Variants in PTPRN2 observed in about 807,000 individuals in gnomAD.
PTPRN2 encodes receptor-type tyrosine-protein phosphatase N2.
A neutral mutation model predicts 118.8 loss-of-function variants in PTPRN2; 74 were observed. The ratio of observed to expected loss-of-function variants is 0.62; its 90% CI spans 0.52 to 0.76. PTPRN2 has a LOEUF of 0.76. Ranked by LOEUF, PTPRN2 falls within the 30% of genes least tolerant of loss-of-function variation. The pLI is 0.00. For missense variants in PTPRN2, 1,481 were observed against 1,394.4 expected (o/e 1.06, Z -0.99); for synonymous variants, 641 against 608.0 (o/e 1.05, Z -0.80).
At chr7:157,669,858 G>C (rs1342411510) in intron 13 of PTPRN2, among the ~76,000 whole-genome samples, 1 of 152,060 alleles carries the variant, frequency 6.6e-6, no homozygotes, top group Non-Finnish European at 1.5e-5. Flanking sequence ...CTCGAGGCCG[G>C]GCTCCGGGCA....
At chr7:157,911,879 T>C (rs761308612) in intron 11 of PTPRN2, among the ~76,000 whole-genome samples, 23 of 152,358 alleles carry the variant, frequency 1.5e-4, no homozygotes, top group Non-Finnish European at 3.1e-4. Flanking sequence ...CCCTGTGTTC[T>C]GAGACTCAGA....
chr7:158,072,101 T>G (rs1008058129), intron 11 of PTPRN2, among the ~76,000 whole-genome samples: 4 of 130,830 alleles, frequency 3.1e-5, no homozygotes, highest in African/African-American at 1.1e-4. Context: ...GCTCGTAGTA[T>G]GGAGGTGCTC....
In PTPRN2 at chr7:158,560,027, C is replaced by T. The variant is rs75185649; in HGVS notation, c.112+27531G>A. ...ACACTGACTCCCCTTTCCCCTGCTC[C>T]GTTCCACTTTCTGTTCCTGTGAACT... On this transcript the variant is annotated intron_variant, in intron 1 of 22. Transcript: ENST00000389418. 6.8e-3 allele frequency among the ~76,000 whole-genome samples: 1,040 copies of T among 152,346 alleles called. 10 individuals carry two copies. The highest frequency in any genetic ancestry group is 0.013 in the Non-Finnish European group (864 of 68,036).
At chr7:158,085,336 C>T (rs1217270255) in intron 10 of PTPRN2, among the ~76,000 whole-genome samples, 4 of 122,402 alleles carry the variant, frequency 3.3e-5, no homozygotes, top group African/African-American at 1.4e-4. Context: ...ACATGCCCAT[C>T]CACACCCATG....
chr7:157,690,614 C>G lies in PTPRN2; in HGVS notation c.1789-7677G>C, dbSNP rs1797429345. Among the ~76,000 whole-genome samples, 2 of 151,598 alleles carry G rather than the reference C, an allele frequency of 1.3e-5. No homozygotes were observed. The highest frequency in any genetic ancestry group is 2.9e-5 in the Non-Finnish European group (2 of 67,872). The stretch of plus-strand genomic sequence containing the variant: ...AGGTGGGGGCGTGCGCCGGGCCGAG[C>G]GGCCTCGGGGCGCAGCAGCTGCGGG... On this transcript the variant is annotated intron_variant, in intron 12 of 22. Coordinates refer to ENST00000389418, the MANE Select transcript of PTPRN2 (RefSeq NM_002847.5). This position sits in a 1 kb window ranked among gnomAD's most constrained non-coding sequence, Gnocchi z 7.1.
In PTPRN2 at chr7:157,791,578, C is replaced by G. The variant is rs1054344340; in HGVS notation, c.1788+107095G>C. Among the ~76,000 whole-genome samples, 13 of 150,882 alleles carry G rather than the reference C, an allele frequency of 8.6e-5. No individual in the cohort carries two copies. In the South Asian group the frequency reaches 2.1e-3, roughly 24 times the overall value. On this transcript the variant is annotated intron_variant, in intron 12 of 22. Transcript: ENST00000389418. Reference sequence around the variant, plus strand: ...GCCCCCCCTCCCTGCACCCGCCCCCCCTCCCTGCACCCACCTGCCCTACTC... The same window carrying G: ...GCCCCCCCTCCCTGCACCCGCCCCCGCTCCCTGCACCCACCTGCCCTACTC...
chr7:157,577,922 C>A (rs1466374787), intron 18 of PTPRN2, 99 bp downstream of exon 18: 3 of 1,381,766 alleles, frequency 2.2e-6, no homozygotes, highest in African/African-American at 1.4e-5. Context: ...TCCCTGCATG[C>A]GGCCCTGGGG....
intron 21 of PTPRN2, among the ~76,000 whole-genome samples, chr7:157,568,442 C>T (rs916185248): frequency 6.6e-6 from 1 of 152,220 alleles, no homozygotes; most frequent in African/African-American, 2.4e-5. Context: ...CAATTACTAA[C>T]GGATATTTTT....
chr7:158,536,235 A>T (rs1825636636), intron 1 of PTPRN2, among the ~76,000 whole-genome samples: 1 of 152,226 alleles, frequency 6.6e-6, no homozygotes, highest in African/African-American at 2.4e-5. Flanking sequence ...CTGGGTCCAG[A>T]CAGGGCTAGA....
intron 15 of PTPRN2, chr7:157,614,154 G>A (rs62476782): frequency 0.039 from 17,639 of 457,356 alleles, 584 homozygotes; most frequent in East Asian, 0.17. Context: ...GGGGAGGAAG[G>A]GGGAGGACAG....
intron 12 of PTPRN2, chr7:157,864,768 GA>G (rs1164194512): frequency 6.6e-6 from 1 of 152,252 alleles, no homozygotes; most frequent in African/African-American, 2.4e-5. Context: ...AGTATCTCAG[GA>G]CAAAGTGCTT....
intron 14 of PTPRN2, among the ~76,000 whole-genome samples, chr7:157,648,773 C>T (rs1181689483): frequency 2.1e-5 from 3 of 141,512 alleles, no homozygotes; most frequent in Admixed American, 7.1e-5. Context: ...GTGGGTCGGA[C>T]CCATTCACTG....
chr7:157,555,745 G>A (rs781774700), intron 21 of PTPRN2, among the ~76,000 whole-genome samples: 1 of 152,194 alleles, frequency 6.6e-6, no homozygotes, highest in Non-Finnish European at 1.5e-5. Context: ...AGAGAGAGAG[G>A]CCTTTACTTG....
chr7:157,820,655 C>T (rs149549351), intron 12 of PTPRN2, among the ~76,000 whole-genome samples: 2 of 152,356 alleles, frequency 1.3e-5, no homozygotes, highest in African/African-American at 4.8e-5. Flanking sequence ...CACACATGCA[C>T]ACACACATAC....
At chr7:158,103,725 TTGATG>T (rs1815434903) in intron 10 of PTPRN2, among the ~76,000 whole-genome samples, 1 of 152,194 alleles carries the variant, frequency 6.6e-6, no homozygotes, top group African/African-American at 2.4e-5. Flanking sequence ...AGGCCCCCAC[TTGATG>T]TGATGGACAC....
At chr7:158,510,056 C>T (rs150725996) in intron 1 of PTPRN2, among the ~76,000 whole-genome samples, 1 of 152,318 alleles carries the variant, frequency 6.6e-6, no homozygotes, top group Non-Finnish European at 1.5e-5. Context: ...GCTAAGGAGA[C>T]AGTGTTCGCA....
At chr7:157,758,471 G>A (rs1801939750) in intron 12 of PTPRN2, among the ~76,000 whole-genome samples, 1 of 152,232 alleles carries the variant, frequency 6.6e-6, no homozygotes, top group East Asian at 1.9e-4. Context: ...GCCCCAGACC[G>A]TGGCCCCCGT....
Position 157,627,459 on chromosome 7 carries a change from G to T in PTPRN2, c.2197-5950C>A, listed in dbSNP as rs1309023461. Among the ~76,000 whole-genome samples, 1 of 152,206 alleles carries T rather than the reference G, an allele frequency of 6.6e-6. No homozygotes were observed. On this transcript the variant is annotated intron_variant, in intron 14 of 22. Transcript: ENST00000389418. This position sits in a 1 kb window ranked among gnomAD's most constrained non-coding sequence, Gnocchi z 4.2. ...TGGTGAATCTCAGTCGATGCAGGCT[G>T]AAGTGCTTAGGGAAGTTGGAGTTGC...
chr7:157,706,372 C>G (rs931655717), intron 12 of PTPRN2, among the ~76,000 whole-genome samples: 2 of 152,018 alleles, frequency 1.3e-5, no homozygotes, highest in African/African-American at 2.4e-5. Flanking sequence ...TCAACATGCA[C>G]TACATCCCTC....
Sources: allele counts gnomAD v4.1 joint callset (sites outside exome capture counted in the v4.1 genomes callset), GRCh38; gene constraint gnomAD v4.1.1; non-coding constraint Gnocchi (gnomAD v3.1); transcripts MANE v1.5; gene names NCBI Gene and HGNC (gene_info 2026-07-23, HGNC 2026-07-21).